The following TENM3 variants were observed in gnomAD, a reference collection of about 807,000 sequenced individuals.
TENM3 encodes the protein teneurin transmembrane protein 3.
TENM3 carries 63 observed loss-of-function variants against 255.1 expected under a neutral mutation model. The observed-to-expected ratio is 0.25, with a 90% CI of 0.20 to 0.30. TENM3 has a LOEUF of 0.30. Ranked by LOEUF, TENM3 falls within the 10% of genes least tolerant of loss-of-function variation. TENM3 has a pLI of 1.00. For missense variants in TENM3, 2,929 were observed against 3,461.1 expected, an observed-to-expected ratio of 0.85 and a Z score of 3.86; for synonymous variants, 1,306 against 1,322.3, an observed-to-expected ratio of 0.99 and a Z score of 0.27.
intron 1 of TENM3, among the ~76,000 whole-genome samples, chr4:182,302,160 CTT>C (rs1200357738): frequency 6.6e-6 from 1 of 152,102 alleles, no homozygotes; most frequent in Non-Finnish European, 1.5e-5. Flanking sequence ...GAAAAGGGAG[CTT>C]TCTTTGAATT....
intron 3 of TENM3, among the ~76,000 whole-genome samples, chr4:182,514,707 AG>A (rs1737759313): frequency 6.6e-6 from 1 of 152,174 alleles, no homozygotes; most frequent in Admixed American, 6.5e-5. Flanking sequence ...AACTACTAAA[AG>A]GGCACAACTC....
intron 3 of TENM3, among the ~76,000 whole-genome samples, chr4:182,445,168 G>A (rs747247565): frequency 1.6e-4 from 24 of 152,226 alleles, no homozygotes; most frequent in South Asian, 6.2e-4. Flanking sequence ...ATGGTTAAGC[G>A]GCAGGCTCCT....
chr4:181,558,790 C>A, the TENM3 span, among the ~76,000 whole-genome samples: 1 of 152,286 alleles, frequency 6.6e-6, no homozygotes, highest in Non-Finnish European at 1.5e-5. Context: ...TTGGGTTAAT[C>A]AAATTTTATG....
Position 182,489,542 on chromosome 4 carries a change from T to C in TENM3, c.512-111382T>C, listed in dbSNP as rs138501541. Among the ~76,000 whole-genome samples the C allele has an allele frequency of 2.0e-4, 31 of 152,250 alleles. No homozygotes were observed. In the East Asian group the frequency reaches 6.0e-3, roughly 29 times the overall value. On this transcript the variant is annotated intron_variant, in intron 3 of 27. Transcript: ENST00000511685. ...CATGTGTAAAATATTTAGACTTTAA[T>C]AGAAAGAAAAACCAACCTGTATTGA...
chr4:182,110,241 C>T, the TENM3 span, among the ~76,000 whole-genome samples: 1 of 152,160 alleles, frequency 6.6e-6, no homozygotes, highest in Non-Finnish European at 1.5e-5. Context: ...CATGGCACAG[C>T]TGAGGAGTTG....
the TENM3 span, among the ~76,000 whole-genome samples, chr4:181,602,662 A>C: frequency 6.6e-6 from 1 of 152,190 alleles, no homozygotes; most frequent in Non-Finnish European, 1.5e-5. Flanking sequence ...AGGTGGCAGA[A>C]TTGTACTAGT....
At chr4:181,830,354 C>T in the TENM3 span, among the ~76,000 whole-genome samples, 1 of 152,066 alleles carries the variant, frequency 6.6e-6, no homozygotes, top group South Asian at 2.1e-4. Context: ...CTGCCACCTC[C>T]CCATCCCGGG....
chr4:182,010,109 G>C, the TENM3 span, among the ~76,000 whole-genome samples: 5 of 152,128 alleles, frequency 3.3e-5, no homozygotes, highest in Non-Finnish European at 4.4e-5. Flanking sequence ...TTTTCCATGA[G>C]AGCCTCCTAA....
chr4:181,849,878 T>C, the TENM3 span, among the ~76,000 whole-genome samples: 1 of 151,782 alleles, frequency 6.6e-6, no homozygotes, highest in Non-Finnish European at 1.5e-5. Context: ...TAGGCATGGC[T>C]GCTATGTTTG....
At chr4:182,438,219 T>A (rs1478002508) in intron 3 of TENM3, among the ~76,000 whole-genome samples, 1 of 152,234 alleles carries the variant, frequency 6.6e-6, no homozygotes, top group African/African-American at 2.4e-5. Context: ...GTGATGTTTC[T>A]TTGCTCCTTT....
At chr4:182,295,785 A>G (rs1268032765) in intron 1 of TENM3, among the ~76,000 whole-genome samples, 1 of 152,122 alleles carries the variant, frequency 6.6e-6, no homozygotes, top group Non-Finnish European at 1.5e-5. Context: ...CTTCATGGAA[A>G]AGATGAGTTT....
chr4:181,518,075 C>T, the TENM3 span, among the ~76,000 whole-genome samples: 1 of 152,138 alleles, frequency 6.6e-6, no homozygotes, highest in African/African-American at 2.4e-5. Flanking sequence ...ATGGGAGTGG[C>T]AATCCCTGTC....
chr4:182,067,070 A>C, the TENM3 span, among the ~76,000 whole-genome samples: 1 of 152,076 alleles, frequency 6.6e-6, no homozygotes, highest in Non-Finnish European at 1.5e-5. Context: ...AGCCAGTCCG[A>C]GGGTCCTTTC....
chr4:182,476,675 A>G (rs1250354027), intron 3 of TENM3, among the ~76,000 whole-genome samples: 3 of 152,198 alleles, frequency 2.0e-5, no homozygotes, highest in Admixed American at 1.3e-4. Context: ...CTCTATATCA[A>G]CTGCAGAAGT....
At chr4:182,009,826 C>T in the TENM3 span, among the ~76,000 whole-genome samples, 14 of 152,214 alleles carry the variant, frequency 9.2e-5, no homozygotes, top group African/African-American at 3.4e-4. Flanking sequence ...ATGCTAGGCC[C>T]CGGTGGCCTG....
At chr4:181,940,603 T>C in the TENM3 span, among the ~76,000 whole-genome samples, 1 of 152,210 alleles carries the variant, frequency 6.6e-6, no homozygotes, top group African/African-American at 2.4e-5. Context: ...TGGCAGGATA[T>C]GGTGATAAGA....
chr4:181,718,763 G>T, the TENM3 span, among the ~76,000 whole-genome samples: 5 of 152,112 alleles, frequency 3.3e-5, no homozygotes, highest in East Asian at 1.9e-4. Flanking sequence ...TGGCCCTCTG[G>T]ACATTCCTGA....
chr4:181,556,236 T>C, the TENM3 span, among the ~76,000 whole-genome samples: 1 of 152,190 alleles, frequency 6.6e-6, no homozygotes, highest in Non-Finnish European at 1.5e-5. Flanking sequence ...GACTTTTGTC[T>C]TTCCCTATAT....
the TENM3 span, among the ~76,000 whole-genome samples, chr4:181,717,496 C>A: frequency 6.6e-6 from 1 of 152,160 alleles, no homozygotes; most frequent in Non-Finnish European, 1.5e-5. Context: ...CTTAAAGTTT[C>A]TGTGTGCAAA....
Sources: gnomAD v4.1 joint callset for allele counts (sites outside exome capture counted in the v4.1 genomes callset) on GRCh38, gnomAD v4.1.1 for gene constraint, MANE v1.5 for transcripts, NCBI Gene and HGNC (gene_info 2026-07-23, HGNC 2026-07-21) for gene names.